The following NMT2 variants were observed in gnomAD, a reference collection of about 807,000 sequenced individuals.
NMT2 encodes the protein N-myristoyltransferase 2, also known as glycylpeptide N-tetradecanoyltransferase 2.
NMT2 carries 35 observed loss-of-function variants against 65.4 expected under a neutral mutation model. That is an observed-to-expected ratio of 0.54 (90% CI 0.41 to 0.71). NMT2 has a LOEUF of 0.71. Ranked by LOEUF, NMT2 falls within the 30% of genes least tolerant of loss-of-function variation. NMT2 has a pLI of 0.00. For synonymous variants in NMT2, 226 were observed against 231.8 expected (o/e 0.98, Z 0.23); for missense variants, 489 against 611.3 (o/e 0.80, Z 2.11).
intron 1 of NMT2, among the ~76,000 whole-genome samples, chr10:15,161,974 C>T (rs531358519): frequency 2.6e-5 from 4 of 152,136 alleles, no homozygotes; most frequent in East Asian, 3.9e-4. Flanking sequence ...TACAGATCGC[C>T]GGGCACGGTG....
rs866340462 is a variant in NMT2, at chr10:15,168,562, G to A, written c.51C>T (p.Asp17=). Residue 17 remains aspartate, a synonymous_variant, in exon 1 of 12, where the codon GAC becomes GAT. Coordinates refer to ENST00000378165, the MANE Select transcript of NMT2 (RefSeq NM_004808.3). ...CGTCTATCCCGCACGTGTCCTGGTCGTCCAGTTCCAGGCTCTGCTGGCTGG... is the reference window on the plus strand; with the variant it reads ...CGTCTATCCCGCACGTGTCCTGGTCATCCAGTTCCAGGCTCTGCTGGCTGG... ...SAASQQSLEL[D]DQDTCGIDGD... is the part of the protein sequence containing the mutation. 3 of 1,593,290 alleles carry A rather than the reference G, an allele frequency of 1.9e-6. No individual in the cohort carries two copies. Among genetic ancestry groups the A allele is most frequent in the African/African-American group, 1.4e-5 (1 of 72,484 alleles).
intron 11 of NMT2, 133 bp downstream of exon 11, chr10:15,109,569 T>C: frequency 1.3e-6 from 1 of 743,536 alleles, no homozygotes; most frequent in East Asian, 3.3e-5. Flanking sequence ...AGACTTCATC[T>C]CAAAAAAATA....
intron 1 of NMT2, among the ~76,000 whole-genome samples, chr10:15,151,843 G>A (rs1013392440): frequency 2.0e-5 from 3 of 151,814 alleles, no homozygotes; most frequent in Non-Finnish European, 4.4e-5. Context: ...TGGCCAACAT[G>A]GTGAAACCCC....
At position 15,132,118 on chromosome 10, in the gene NMT2, GC is replaced by G. The variant is rs572508935; in HGVS notation, c.719+698del. On this transcript the variant is annotated intron_variant, in intron 6 of 11. Coordinates refer to ENST00000378165, the MANE Select transcript of NMT2 (RefSeq NM_004808.3). ...GACCTCAAGTGATCTGCCAGCCTCG[GC>G]CCCGACCAAAGTCCTGGAATTACAG... is the stretch of plus-strand genomic sequence containing the variant. Among the ~76,000 whole-genome samples, 487 of 152,206 alleles carry G rather than the reference GC, an allele frequency of 3.2e-3. 1 individual carries two copies. Among genetic ancestry groups the G allele is most frequent in the Non-Finnish European group, 4.1e-3 (277 of 68,010 alleles).
At chr10:15,135,240 G>C (rs1434089663) in intron 3 of NMT2, 34 bp downstream of exon 3, 6 of 1,607,708 alleles carry the variant, frequency 3.7e-6, no homozygotes, top group Non-Finnish European at 5.1e-6. Context: ...AGCTTTGTTT[G>C]TGGGGAAAAA....
intron 2 of NMT2, among the ~76,000 whole-genome samples, chr10:15,136,729 G>A (rs1280940537): frequency 6.6e-6 from 1 of 151,990 alleles, no homozygotes; most frequent in Non-Finnish European, 1.5e-5. Flanking sequence ...CCCAAGTGTT[G>A]GAAACTGGAC....
intron 10 of NMT2, among the ~76,000 whole-genome samples, chr10:15,111,211 G>T (rs1845501890): frequency 6.6e-6 from 1 of 151,822 alleles, no homozygotes; most frequent in Admixed American, 6.6e-5. Context: ...AAGTTGTAAA[G>T]ACTTTAAATA....
At position 15,135,489 on chromosome 10, in the gene NMT2, G is replaced by C. The variant is rs930208402; in HGVS notation, c.247-71C>G. The C allele has an allele frequency of 2.6e-6, 4 of 1,510,040 alleles. No homozygotes were observed. The African/African-American group carries it at 5.5e-5, about 21-fold the overall frequency. The allele number at this position is 1,510,040 out of a possible 1,614,324, so 93.5% of individuals were successfully genotyped here. ...ATGTTAAACTTGAGCAGACGCACGT[G>C]CATCTGCCTCAGAGACTACAATACC... is the stretch of plus-strand genomic sequence containing the variant. On this transcript the variant is annotated intron_variant, in intron 2 of 11. Coordinates refer to ENST00000378165, the MANE Select transcript of NMT2 (RefSeq NM_004808.3).
chr10:15,124,381 A>T (rs542185088), intron 8 of NMT2, among the ~76,000 whole-genome samples: 32 of 152,350 alleles, frequency 2.1e-4, no homozygotes, highest in Non-Finnish European at 4.6e-4. Flanking sequence ...GAGCAAGTCA[A>T]TCTGTGTTCT....
intron 1 of NMT2, among the ~76,000 whole-genome samples, chr10:15,166,826 G>A (rs180917913): frequency 1.3e-5 from 2 of 152,236 alleles, no homozygotes; most frequent in South Asian, 4.1e-4. Flanking sequence ...GAAAGGTGTC[G>A]GGGGACAGGC....
intron 8 of NMT2, among the ~76,000 whole-genome samples, chr10:15,125,308 A>C (rs7083003): frequency 0.14 from 21,506 of 152,264 alleles, 1,597 homozygotes; most frequent in Middle Eastern, 0.26. Flanking sequence ...ACCCAGGTTC[A>C]CTGGAAGTAA....
Position 15,149,149 on chromosome 10 carries a change from G to A in NMT2, c.111-7592C>T, listed in dbSNP as rs533034451. Among the ~76,000 whole-genome samples the A allele has an allele frequency of 1.7e-4, 25 of 143,848 alleles. 1 individual carries two copies. In the South Asian group the frequency reaches 5.7e-3, roughly 33 times the overall value. The allele number at this position is 143,848 out of a possible 152,430, so 94.4% of individuals were successfully genotyped here. A position where few individuals can be genotyped will look rare whatever the true frequency, so the allele number is the denominator to read the frequency against. On this transcript the variant is annotated intron_variant, in intron 1 of 11. Transcript: ENST00000378165. ...ACCACCATCGCCACTACCATTGATC[G>A]CCATCACCACCATCACTGCCGCCAT... is the stretch of plus-strand genomic sequence containing the variant.
intron 1 of NMT2, among the ~76,000 whole-genome samples, chr10:15,162,018 G>A (rs1201711875): frequency 2.6e-5 from 4 of 152,112 alleles, no homozygotes; most frequent in Non-Finnish European, 4.4e-5. Context: ...TTTGGGAGAC[G>A]GAGGTGGGTG....
intron 3 of NMT2, among the ~76,000 whole-genome samples, chr10:15,134,337 C>T (rs1363911629): frequency 1.3e-5 from 2 of 152,328 alleles, no homozygotes; most frequent in East Asian, 1.9e-4. Context: ...GCTCCCAGTG[C>T]TCTGGCCATG....
At chr10:15,163,724 G>A (rs10906843) in intron 1 of NMT2, among the ~76,000 whole-genome samples, 32,770 of 152,090 alleles carry the variant, frequency 0.22, 5,071 homozygotes, top group African/African-American at 0.44. Flanking sequence ...ACAGACATAT[G>A]AAGTCAGATA....
At chr10:15,154,936 C>G (rs769557892) in intron 1 of NMT2, 1 of 1,033,684 alleles carries the variant, frequency 9.7e-7, no homozygotes, top group Non-Finnish European at 1.5e-6. Flanking sequence ...TCCAACCACT[C>G]GGTCTTGGCA....
At chr10:15,114,515 T>A (rs1285710893) in intron 9 of NMT2, among the ~76,000 whole-genome samples, 1 of 152,188 alleles carries the variant, frequency 6.6e-6, no homozygotes, top group Non-Finnish European at 1.5e-5. Flanking sequence ...CATGTCTAGA[T>A]GGCTTATAAG....
chr10:15,123,531 G>GAA (rs775699014), intron 8 of NMT2, among the ~76,000 whole-genome samples: 7 of 52,542 alleles, frequency 1.3e-4, no homozygotes, highest in South Asian at 8.3e-4. Context: ...TCGTCTCACA[G>GAA]AAAAAAAAAA....
At chr10:15,141,352 G>C (rs1022043686) in intron 2 of NMT2, 70 bp downstream of exon 2, 16 of 1,570,740 alleles carry the variant, frequency 1.0e-5, no homozygotes, top group Non-Finnish European at 1.3e-5. Flanking sequence ...ATGCAGCAGC[G>C]CGCTAAACTG....
Sources: gnomAD v4.1 joint callset for allele counts (sites outside exome capture counted in the v4.1 genomes callset) on GRCh38, gnomAD v4.1.1 for gene constraint, MANE v1.5 for transcripts, NCBI Gene and HGNC (gene_info 2026-07-23, HGNC 2026-07-21) for gene names.